WDFY4: variants seen among roughly 807,000 people sequenced by gnomAD.
WDFY4 encodes the protein WDFY family member 4, also known as WD repeat- and FYVE domain-containing protein 4.
A neutral mutation model predicts 351.9 loss-of-function variants in WDFY4; 169 were observed. The ratio of observed to expected loss-of-function variants is 0.48; its 90% CI spans 0.42 to 0.55. WDFY4 has a LOEUF of 0.55. Among genes scored for constraint, WDFY4 ranks in the 20% least tolerant of loss-of-function variants. The probability of loss-of-function intolerance (pLI) is 0.00; values close to 1 mark genes in which losing one functional copy is unlikely to be tolerated. For synonymous variants in WDFY4, 1,622 were observed against 1,574.6 expected (o/e 1.03, Z -0.71); for missense variants, 3,803 against 3,935.6 (o/e 0.97, Z 0.90).
intron 41 of WDFY4, 91 bp downstream of exon 41, chr10:48,873,788 A>T: frequency 2.9e-6 from 4 of 1,394,324 alleles, no homozygotes; most frequent in Non-Finnish European, 3.9e-6. Flanking sequence ...TGTTGTTTAT[A>T]TCAGGCTAAG....
In WDFY4 at chr10:48,726,040, C is replaced by T; in HGVS notation, c.751C>T (p.Gln251Ter). 1 of 1,550,830 alleles carries T rather than the reference C, an allele frequency of 6.4e-7. No homozygotes were observed. The highest frequency in any genetic ancestry group is 8.7e-7 in the Non-Finnish European group (1 of 1,146,344). ...FCVLRAISKA[Q>*]NLSIIQYLQA... ...CGTGCTAAGGGCAATCTCCAAGGCC[C>T]AGAACCTCAGCATCATCCAGTACCT... The change falls in exon 6 of 62, where the codon CAG becomes TAG. Residue 251 changes from glutamine to a stop codon, truncating the protein, a stop_gained. Coordinates refer to ENST00000325239, the MANE Select transcript of WDFY4 (RefSeq NM_001394531.1). LOFTEE classifies it high-confidence loss of function.
At chr10:48,815,627 T>C (rs1274188879) in intron 31 of WDFY4, among the ~76,000 whole-genome samples, 1 of 152,234 alleles carries the variant, frequency 6.6e-6, no homozygotes, top group South Asian at 2.1e-4. Flanking sequence ...GCCCAGCTAA[T>C]TTTTGTATTT....
chr10:48,963,954 A>C lies in WDFY4; in HGVS notation c.8336A>C (p.Tyr2779Ser). The stretch of plus-strand genomic sequence containing the variant: ...GATGCTGTTAATATCTTCCACCCCT[A>C]CTTCTACGGTGACAGAATGGACCTC... ...AVDAVNIFHP[Y>S]FYGDRMDLSS... The change falls in exon 54 of 62, where the codon TAC becomes TCC. Residue 2779 changes from tyrosine to serine, a missense_variant. Transcript: ENST00000325239. 6.4e-7 allele frequency: 1 copy of C among 1,551,088 alleles called. No homozygotes were observed. Among genetic ancestry groups the C allele is most frequent in the Non-Finnish European group, 8.7e-7 (1 of 1,146,954 alleles).
In WDFY4 at chr10:48,796,495, G is replaced by A. The variant is rs116666378; in HGVS notation, c.4410+45G>A. 7,706 of 1,531,620 alleles carry A rather than the reference G, an allele frequency of 5.0e-3. 316 individuals are homozygous for A. In the African/African-American group the frequency reaches 0.091, roughly 18 times the overall value. The allele number at this position is 1,531,620 out of a possible 1,614,324, so 94.9% of individuals were successfully genotyped here. ...TTAGTCCTTCAGGAGTGTGTGTGAT[G>A]GTAAATATGCTAAGTCTGGGCTTTC... On this transcript the variant is annotated intron_variant, in intron 24 of 61. Coordinates refer to ENST00000325239, the MANE Select transcript of WDFY4 (RefSeq NM_001394531.1).
At chr10:48,693,510 G>A (rs2063250995) in intron 1 of WDFY4, among the ~76,000 whole-genome samples, 2 of 152,170 alleles carry the variant, frequency 1.3e-5, no homozygotes, top group South Asian at 4.1e-4. Flanking sequence ...AATTATTCCT[G>A]GTACATTAAG....
chr10:48,709,951 C>G lies in WDFY4; in HGVS notation c.219C>G (p.Leu73=). Reference sequence around the variant, plus strand: ...GTCAGAAGAGCCTGTTGAGTCTTCTCCCCCTATTCCTAAAGGTTAGTGTTC... The same window carrying G: ...GTCAGAAGAGCCTGTTGAGTCTTCTGCCCCTATTCCTAAAGGTTAGTGTTC... ...IERQKSLLSL[L]PLFLKAWEHS... is the part of the protein sequence containing the mutation. The change falls in exon 2 of 62, where the codon CTC becomes CTG. Residue 73 remains leucine, a synonymous_variant. Transcript: ENST00000325239. The G allele has an allele frequency of 6.4e-7, 1 of 1,551,172 alleles. No individual in the cohort carries two copies. Among genetic ancestry groups the G allele is most frequent in the Non-Finnish European group, 8.7e-7 (1 of 1,146,428 alleles).
intron 35 of WDFY4, chr10:48,823,135 T>C: frequency 7.7e-7 from 1 of 1,302,354 alleles, no homozygotes; most frequent in South Asian, 1.2e-5. Context: ...GAGAGAATCG[T>C]ACAATCTCAA....
intron 38 of WDFY4, among the ~76,000 whole-genome samples, chr10:48,832,032 T>C (rs10776649): frequency 0.34 from 52,070 of 151,986 alleles, 10,094 homozygotes; most frequent in East Asian, 0.83. Context: ...GCAATACCTG[T>C]CTACTTTCAT....
chr10:48,734,006 C>T lies in WDFY4; in HGVS notation c.1658C>T (p.Thr553Ile). 6.4e-7 allele frequency: 1 copy of T among 1,552,008 alleles called. No individual in the cohort carries two copies. Among genetic ancestry groups the T allele is most frequent in the Non-Finnish European group, 8.7e-7 (1 of 1,147,056 alleles). ...LTCVMLRIVV[T>I]LLKGSVRNAV... ...TGTGTGATGCTGAGGATTGTAGTCA[C>T]ACTTCTGAAAGGCTCGGTGAGGAAT... Residue 553 changes from threonine to isoleucine, a missense_variant, in exon 10 of 62, where the codon ACA (threonine) becomes ATA (isoleucine). Coordinates refer to ENST00000325239, the MANE Select transcript of WDFY4 (RefSeq NM_001394531.1).
Position 48,760,336 on chromosome 10 carries a change from T to G in WDFY4, c.2460-11T>G. On this transcript the variant is annotated splice_polypyrimidine_tract_variant and intron_variant, in intron 12 of 61. Transcript: ENST00000325239. ...TCCGTGTCTCATGTCTGGCTCTCCC[T>G]CTCTCTGCAGGATGGATGAGGGAGA... is the stretch of plus-strand genomic sequence containing the variant. The G allele has an allele frequency of 6.4e-7, 1 of 1,551,224 alleles. No individual in the cohort carries two copies. Among genetic ancestry groups the G allele is most frequent in the Non-Finnish European group, 8.7e-7 (1 of 1,146,742 alleles).
chr10:48,971,683 A>G (rs1342283774), intron 57 of WDFY4, among the ~76,000 whole-genome samples: 2 of 152,150 alleles, frequency 1.3e-5, no homozygotes, highest in African/African-American at 4.8e-5. Context: ...CATGCAGGGC[A>G]TGGAGGGTGC....
Position 48,699,081 on chromosome 10 carries a change from T to C in WDFY4, c.-17-10635T>C, listed in dbSNP as rs564941417. The stretch of plus-strand genomic sequence containing the variant: ...CCCCTGCCACGTCTCCATTTCCTCC[T>C]CCACAGACAGCCACGCTCACCTGGT... On this transcript the variant is annotated intron_variant, in intron 1 of 61. Coordinates refer to ENST00000325239, the MANE Select transcript of WDFY4 (RefSeq NM_001394531.1). 1.2e-4 allele frequency among the ~76,000 whole-genome samples: 18 copies of C among 152,248 alleles called. No homozygotes were observed. The South Asian group carries it at 3.5e-3, about 30-fold the overall frequency.
At position 48,894,525 on chromosome 10, in the gene WDFY4, T is replaced by C. The variant is rs190861104; in HGVS notation, c.7317-2929T>C. Among the ~76,000 whole-genome samples, 534 of 152,344 alleles carry C rather than the reference T, an allele frequency of 3.5e-3. 22 individuals are homozygous for C. The highest frequency in any genetic ancestry group is 0.034 in the Admixed American group (515 of 15,304). ...ATGATATGGGAATAAAAATAAGTCA[T>C]GGTCAGTATAAGGTTTCCTTATGAG... On this transcript the variant is annotated intron_variant, in intron 44 of 61. Coordinates refer to ENST00000325239, the MANE Select transcript of WDFY4 (RefSeq NM_001394531.1).
At chr10:48,823,103 T>C in intron 35 of WDFY4, 2 of 1,290,082 alleles carry the variant, frequency 1.6e-6, no homozygotes, top group Non-Finnish European at 2.0e-6. Flanking sequence ...TAGGTGTATG[T>C]ATGTGCATGC....
intron 55 of WDFY4, chr10:48,968,229 C>T (rs1245270224): frequency 6.6e-6 from 1 of 152,288 alleles, no homozygotes; most frequent in African/African-American, 2.4e-5. Context: ...CACAGGCAGG[C>T]AACAAGCCAG....
intron 54 of WDFY4, among the ~76,000 whole-genome samples, chr10:48,964,941 G>C (rs1451540200): frequency 6.6e-6 from 1 of 152,150 alleles, no homozygotes; most frequent in Non-Finnish European, 1.5e-5. Flanking sequence ...GGTCTCACAT[G>C]ACATGCTGAG....
chr10:48,776,680 G>A (rs1589580480), intron 15 of WDFY4, 70 bp from the exon 16 acceptor site: 2 of 1,366,866 alleles, frequency 1.5e-6, no homozygotes, highest in East Asian at 2.5e-5. Flanking sequence ...GATACTTTGG[G>A]GTTATTGTCA....
chr10:48,730,602 C>T (rs765759890), intron 8 of WDFY4, among the ~76,000 whole-genome samples: 1 of 152,186 alleles, frequency 6.6e-6, no homozygotes, highest in East Asian at 1.9e-4. Flanking sequence ...TAATCTCCAA[C>T]ATCATTTGAT....
At chr10:48,742,387 C>T (rs1215952346) in intron 11 of WDFY4, among the ~76,000 whole-genome samples, 1 of 152,230 alleles carries the variant, frequency 6.6e-6, no homozygotes, top group Non-Finnish European at 1.5e-5. Context: ...TCTAATATAA[C>T]CGATGAAGCC....
Sources: allele counts gnomAD v4.1 joint callset (sites outside exome capture counted in the v4.1 genomes callset), GRCh38; gene constraint gnomAD v4.1.1; transcripts MANE v1.5; gene names NCBI Gene and HGNC (gene_info 2026-07-23, HGNC 2026-07-21).